Variants in QNG1 observed in about 807,000 individuals in gnomAD.
QNG1 encodes queuosine 5'-phosphate N-glycosylase/hydrolase.
chr9:83,953,808 G>C, the QNG1 span: 58 of 1,549,336 alleles, frequency 3.7e-5, no homozygotes, highest in Non-Finnish European at 5.1e-5. Context: ...CAGCCTGTGA[G>C]GGTCCAACAA....
chr9:83,953,686 C>G, the QNG1 span: 1 of 750,790 alleles, frequency 1.3e-6, no homozygotes, highest in Non-Finnish European at 2.2e-6. Flanking sequence ...GAGATGGAGT[C>G]CAGCTCTGTC....
At chr9:83,955,463 C>G in the QNG1 span, 32 of 1,614,036 alleles carry the variant, frequency 2.0e-5, no homozygotes, top group Non-Finnish European at 2.6e-5. Flanking sequence ...CTCACTTTCT[C>G]GGACGCAGTT....
chr9:83,953,871 A>G, the QNG1 span: 49 of 1,352,534 alleles, frequency 3.6e-5, no homozygotes, highest in South Asian at 5.5e-4. Context: ...AACACAAAAT[A>G]TATATACAGT....
chr9:83,955,670 C>T, the QNG1 span: 14 of 1,599,604 alleles, frequency 8.8e-6, no homozygotes, highest in African/African-American at 4.0e-5. Flanking sequence ...TTCAGAGGAC[C>T]AATGTCATAC....
At chr9:83,956,375 TG>T in the QNG1 span, 1 of 1,606,502 alleles carries the variant, frequency 6.2e-7, no homozygotes, top group Non-Finnish European at 8.5e-7. Flanking sequence ...CGCGCAGCTC[TG>T]GCCCCGCCGC....
chr9:83,949,998 T>C, the QNG1 span, among the ~76,000 whole-genome samples: 5 of 150,608 alleles, frequency 3.3e-5, no homozygotes, highest in South Asian at 2.1e-4. Context: ...AACAAAAAGA[T>C]TTAAGGGAGG....
At chr9:83,954,331 A>G in the QNG1 span, among the ~76,000 whole-genome samples, 1 of 152,316 alleles carries the variant, frequency 6.6e-6, no homozygotes, top group African/African-American at 2.4e-5. Flanking sequence ...TTTAGGTTTG[A>G]AACATTTTAA....
At chr9:83,955,757 A>G in the QNG1 span, 2 of 941,762 alleles carry the variant, frequency 2.1e-6, no homozygotes, top group African/African-American at 3.3e-5. Flanking sequence ...GAATGCACCA[A>G]AAGTGGAAGA....
the QNG1 span, chr9:83,953,618 T>G: frequency 1.8e-6 from 1 of 549,602 alleles, no homozygotes; most frequent in Admixed American, 3.2e-5. Flanking sequence ...AGTGCTGGGA[T>G]TACAGGTGTG....
At chr9:83,945,010 A>G in the QNG1 span, 1 of 1,560,236 alleles carries the variant, frequency 6.4e-7, no homozygotes, top group Non-Finnish European at 8.7e-7. Flanking sequence ...AAGAGAATAT[A>G]AACGTTATTT....
At chr9:83,945,751 T>C in the QNG1 span, among the ~76,000 whole-genome samples, 2 of 151,526 alleles carry the variant, frequency 1.3e-5, no homozygotes, top group Admixed American at 1.3e-4. Flanking sequence ...ACGGGCGCCG[T>C]CACCACGCCC....
At chr9:83,948,158 G>C in the QNG1 span, among the ~76,000 whole-genome samples, 1 of 151,128 alleles carries the variant, frequency 6.6e-6, no homozygotes, top group East Asian at 2.0e-4. Flanking sequence ...GCCTCTGTCC[G>C]GCCGCGACCC....
chr9:83,953,867 A>C, the QNG1 span: 1 of 1,384,828 alleles, frequency 7.2e-7, no homozygotes, highest in Admixed American at 2.0e-5. Flanking sequence ...AGAAAACACA[A>C]AATATATATA....
At chr9:83,944,155 T>TA in the QNG1 span, among the ~76,000 whole-genome samples, 1 of 152,054 alleles carries the variant, frequency 6.6e-6, no homozygotes, top group South Asian at 2.1e-4. Flanking sequence ...TTAAATAAAA[T>TA]AAAATAAAGA....
chr9:83,939,618 C>G, the QNG1 span: 4 of 1,613,254 alleles, frequency 2.5e-6, no homozygotes, highest in Non-Finnish European at 3.4e-6. Flanking sequence ...GAATTGATCT[C>G]TCCATTAGGT....
chr9:83,945,983 C>T, the QNG1 span, among the ~76,000 whole-genome samples: 5 of 151,740 alleles, frequency 3.3e-5, no homozygotes, highest in Non-Finnish European at 7.4e-5. Flanking sequence ...TTTCTGATTG[C>T]AATATAATTC....
At chr9:83,949,667 C>CA in the QNG1 span, among the ~76,000 whole-genome samples, 899 of 145,202 alleles carry the variant, frequency 6.2e-3, 7 homozygotes, top group Middle Eastern at 0.025. Flanking sequence ...CAAAAACAAA[C>CA]AAAAAAAAAA....
the QNG1 span, chr9:83,953,582 G>A: frequency 1.1e-5 from 5 of 458,290 alleles, no homozygotes; most frequent in Admixed American, 3.8e-5. Context: ...TCCTGACCTT[G>A]TGATCTACCC....
chr9:83,956,666 C>CT, the QNG1 span: 3 of 556,366 alleles, frequency 5.4e-6, no homozygotes, highest in Non-Finnish European at 8.9e-6. Context: ...TAAAGGTTCT[C>CT]TCCCGCGGCG....
Sources: gnomAD v4.1 joint callset for allele counts (sites outside exome capture counted in the v4.1 genomes callset) on GRCh38, gnomAD v4.1.1 for gene constraint, MANE v1.5 for transcripts, NCBI Gene and HGNC (gene_info 2026-07-23, HGNC 2026-07-21) for gene names.